KSR2: variants seen among roughly 807,000 people sequenced by gnomAD.
KSR2 encodes the protein kinase suppressor of ras 2.
Under a neutral mutation model 107.8 loss-of-function variants are expected in KSR2, and 25 were observed. That is an observed-to-expected ratio of 0.23 (90% CI 0.17 to 0.32). The LOEUF is 0.32. Ranked by LOEUF, KSR2 falls within the 10% of genes least tolerant of loss-of-function variation. The pLI, the probability that KSR2 is intolerant of heterozygous loss-of-function variation, is 1.00. For synonymous variants in KSR2, 480 were observed against 507.0 expected, an observed-to-expected ratio of 0.95 and a Z score of 0.71; for missense variants, 887 against 1,268.9, an observed-to-expected ratio of 0.70 and a Z score of 4.57.
chr12:117,791,238 T>C (rs1890238370), intron 3 of KSR2, among the ~76,000 whole-genome samples: 1 of 151,342 alleles, frequency 6.6e-6, no homozygotes, highest in African/African-American at 2.5e-5. Context: ...TTCCTCCAGA[T>C]CCTTCAGGAG....
chr12:117,839,077 A>T (rs1892359136), intron 3 of KSR2, among the ~76,000 whole-genome samples: 1 of 152,194 alleles, frequency 6.6e-6, no homozygotes, highest in South Asian at 2.1e-4. Context: ...TTTAGAGAGA[A>T]AATCTCTCAT....
chr12:117,572,162 C>T (rs1878934689), intron 7 of KSR2, among the ~76,000 whole-genome samples: 1 of 152,184 alleles, frequency 6.6e-6, no homozygotes, highest in African/African-American at 2.4e-5. Flanking sequence ...CAGGCTGTTT[C>T]CTCGGCCCAG....
At position 117,464,278 on chromosome 12, in the gene KSR2, C is replaced by A. The variant is rs866436300; in HGVS notation, c.*2921G>T. 1 of 152,200 alleles carries A rather than the reference C, an allele frequency of 6.6e-6. No individual in the cohort carries two copies. Among genetic ancestry groups the A allele is most frequent in the Non-Finnish European group, 1.5e-5 (1 of 68,038 alleles). The allele number at this position is 152,200 out of a possible 1,614,324, so 9.4% of individuals were successfully genotyped here. On this transcript the variant is annotated 3_prime_UTR_variant, in exon 20 of 20. Transcript: ENST00000339824. ...TCTTCACCCTGTGGACTGGTCCCCT[C>A]GGGAAGCCCATGTATATGACGGTTT... is the stretch of plus-strand genomic sequence containing the variant.
At chr12:117,857,637 G>A (rs1893145628) in intron 2 of KSR2, among the ~76,000 whole-genome samples, 1 of 151,612 alleles carries the variant, frequency 6.6e-6, no homozygotes, top group South Asian at 2.1e-4. Flanking sequence ...TGAAATGGAT[G>A]GAACACTGTT....
At chr12:117,930,443 A>G (rs781681272) in intron 1 of KSR2, among the ~76,000 whole-genome samples, 8 of 152,178 alleles carry the variant, frequency 5.3e-5, no homozygotes, top group Non-Finnish European at 8.8e-5. Flanking sequence ...ATTTTATTAA[A>G]ATGTAATTCC....
At chr12:117,946,279 A>C (rs911196151) in intron 1 of KSR2, among the ~76,000 whole-genome samples, 2 of 152,190 alleles carry the variant, frequency 1.3e-5, no homozygotes, top group Non-Finnish European at 2.9e-5. Context: ...CATTAAATAA[A>C]TGAAGCTGAA....
At chr12:117,651,503 G>A (rs1004557665) in intron 5 of KSR2, among the ~76,000 whole-genome samples, 3 of 152,214 alleles carry the variant, frequency 2.0e-5, no homozygotes, top group Non-Finnish European at 4.4e-5. Flanking sequence ...GGAACACAGA[G>A]TTGGATCAGG....
Position 117,730,921 on chromosome 12 carries a change from G to C in KSR2, c.986+30090C>G, listed in dbSNP as rs559404385. On this transcript the variant is annotated intron_variant, in intron 4 of 19. Transcript: ENST00000339824. Reference sequence around the variant, plus strand: ...AGTGCTGAGATTGCAGCCTCTGCCCGGCCGCCACCCCGTCTAGGAAGTGAG... The same window carrying C: ...AGTGCTGAGATTGCAGCCTCTGCCCCGCCGCCACCCCGTCTAGGAAGTGAG... Among the ~76,000 whole-genome samples, 241 of 152,210 alleles carry C rather than the reference G, an allele frequency of 1.6e-3. 2 individuals carry two copies. Among genetic ancestry groups the C allele is most frequent in the African/African-American group, 5.5e-3 (230 of 41,538 alleles).
intron 4 of KSR2, among the ~76,000 whole-genome samples, chr12:117,730,815 T>C (rs535631802): frequency 6.6e-6 from 1 of 152,332 alleles, no homozygotes; most frequent in East Asian, 1.9e-4. Flanking sequence ...CAGTGCTCAA[T>C]GTTGCCCAGG....
rs76367914 is a variant in KSR2, at chr12:117,609,326, C to T, written c.1172-26967G>A. On this transcript the variant is annotated intron_variant, in intron 5 of 19. Transcript: ENST00000339824. ...ATCAGAATCCGTGTACAGTGCCTGG[C>T]CTATAATCAGTGCTCCATGAAGAAT... Among the ~76,000 whole-genome samples the T allele has an allele frequency of 2.5e-3, 376 of 152,314 alleles. 2 individuals are homozygous for T. Among genetic ancestry groups the T allele is most frequent in the Non-Finnish European group, 1.7e-3 (116 of 68,038 alleles).
At chr12:117,738,475 G>C (rs886555873) in intron 4 of KSR2, among the ~76,000 whole-genome samples, 1 of 152,166 alleles carries the variant, frequency 6.6e-6, no homozygotes, top group Admixed American at 6.5e-5. Flanking sequence ...CCTGTTTAGC[G>C]TGTTACTCTA....
At chr12:117,940,849 G>A (rs1018596317) in intron 1 of KSR2, among the ~76,000 whole-genome samples, 1 of 152,116 alleles carries the variant, frequency 6.6e-6, no homozygotes, top group Non-Finnish European at 1.5e-5. Context: ...ACTTTGAGAG[G>A]CTGAGGCGGG....
chr12:117,515,754 C>T (rs1284247407), intron 14 of KSR2, among the ~76,000 whole-genome samples: 3 of 152,038 alleles, frequency 2.0e-5, no homozygotes, highest in Non-Finnish European at 4.4e-5. Flanking sequence ...GGTGAAACCC[C>T]GTCTCTACTA....
intron 4 of KSR2, among the ~76,000 whole-genome samples, chr12:117,728,036 A>G (rs1267577176): frequency 6.6e-6 from 1 of 152,222 alleles, no homozygotes; most frequent in African/African-American, 2.4e-5. Context: ...AAAGCAGAAC[A>G]AGGGTTGCCT....
chr12:117,870,172 G>C (rs1244570642), intron 1 of KSR2, among the ~76,000 whole-genome samples: 1 of 152,190 alleles, frequency 6.6e-6, no homozygotes, highest in Non-Finnish European at 1.5e-5. Flanking sequence ...ATTCATCTTA[G>C]GAAGCCTTCT....
chr12:117,744,339 C>G (rs565198805), intron 4 of KSR2, among the ~76,000 whole-genome samples: 9 of 152,292 alleles, frequency 5.9e-5, no homozygotes, highest in African/African-American at 2.2e-4. Flanking sequence ...TCCCTGTCTC[C>G]TTGAACATAA....
At chr12:117,861,678 G>A (rs1311978732) in intron 1 of KSR2, among the ~76,000 whole-genome samples, 6 of 151,890 alleles carry the variant, frequency 4.0e-5, no homozygotes, top group South Asian at 2.1e-4. Context: ...ATGAGCCACC[G>A]CGCCCAGCCG....
intron 4 of KSR2, among the ~76,000 whole-genome samples, chr12:117,731,159 G>A (rs1445413176): frequency 4.4e-5 from 5 of 113,420 alleles, no homozygotes; most frequent in Non-Finnish European, 9.1e-5. Context: ...GCCCGGCCAC[G>A]ACCCCGTCTG....
chr12:117,892,459 C>T (rs1894374369), intron 1 of KSR2, among the ~76,000 whole-genome samples: 1 of 152,092 alleles, frequency 6.6e-6, no homozygotes, highest in South Asian at 2.1e-4. Context: ...TGTCTCCAGC[C>T]TTTCAAGATT....
Sources: allele counts gnomAD v4.1 joint callset (sites outside exome capture counted in the v4.1 genomes callset), GRCh38; gene constraint gnomAD v4.1.1; transcripts MANE v1.5; gene names NCBI Gene and HGNC (gene_info 2026-07-23, HGNC 2026-07-21).